CCDC178: variants seen among roughly 807,000 people sequenced by gnomAD.
The protein encoded by CCDC178 is coiled-coil domain-containing protein 178.
CCDC178 carries 126 observed loss-of-function variants against 117.4 expected under a neutral mutation model. The ratio of observed to expected loss-of-function variants is 1.07; its 90% CI spans 0.93 to 1.24. CCDC178 has a LOEUF of 1.24. Ranked by LOEUF, CCDC178 falls within the 50% of genes most tolerant of loss-of-function variation. CCDC178 has a pLI of 0.00. For synonymous variants in CCDC178, 283 were observed against 313.4 expected, an observed-to-expected ratio of 0.90 and a Z score of 1.02; for missense variants, 1,030 against 986.9, an observed-to-expected ratio of 1.04 and a Z score of -0.59.
At chr18:33,144,041 G>A (rs1368203366) in intron 20 of CCDC178, among the ~76,000 whole-genome samples, 2 of 151,964 alleles carry the variant, frequency 1.3e-5, no homozygotes, top group Non-Finnish European at 2.9e-5. Context: ...TCTAATGTGT[G>A]ACAAATCCCA....
intron 5 of CCDC178, among the ~76,000 whole-genome samples, chr18:33,389,218 T>G (rs564542981): frequency 2.0e-4 from 30 of 152,124 alleles, no homozygotes; most frequent in Non-Finnish European, 3.5e-4. Flanking sequence ...TTTCTTTTTC[T>G]TCTAAGAAAC....
intron 21 of CCDC178, among the ~76,000 whole-genome samples, chr18:33,021,868 G>T (rs900827213): frequency 6.6e-6 from 1 of 152,028 alleles, no homozygotes; most frequent in African/African-American, 2.4e-5. Context: ...CTTTAAGGCT[G>T]CTCAACTAGA....
intron 21 of CCDC178, among the ~76,000 whole-genome samples, chr18:33,073,798 T>C (rs1218873660): frequency 6.6e-6 from 1 of 152,058 alleles, no homozygotes; most frequent in Admixed American, 6.6e-5. Flanking sequence ...CAAATAAACA[T>C]AAAATGTCAG....
intron 21 of CCDC178, among the ~76,000 whole-genome samples, chr18:33,031,879 C>T (rs2056350458): frequency 1.3e-5 from 2 of 151,740 alleles, no homozygotes; most frequent in Non-Finnish European, 2.9e-5. Context: ...TTTATTCACA[C>T]AATATATAGA....
chr18:33,109,997 C>T (rs762651494), intron 20 of CCDC178, among the ~76,000 whole-genome samples: 7 of 151,022 alleles, frequency 4.6e-5, no homozygotes, highest in African/African-American at 1.2e-4. Flanking sequence ...TAGTTGATAG[C>T]GCCAACATTT....
intron 21 of CCDC178, among the ~76,000 whole-genome samples, chr18:33,082,124 A>T (rs1326813008): frequency 6.6e-6 from 1 of 152,210 alleles, no homozygotes; most frequent in South Asian, 2.1e-4. Flanking sequence ...GGAACCTCCC[A>T]AAATCAATTA....
chr18:32,954,792 T>C (rs2054559268), intron 22 of CCDC178: 1 of 152,116 alleles, frequency 6.6e-6, no homozygotes, highest in South Asian at 2.1e-4. Flanking sequence ...TTAACAATTT[T>C]TGTTTAATAA....
chr18:33,434,141 T>C (rs2064257842), intron 2 of CCDC178, among the ~76,000 whole-genome samples: 1 of 152,036 alleles, frequency 6.6e-6, no homozygotes, highest in Non-Finnish European at 1.5e-5. Context: ...AATTCTTCAT[T>C]AAGAGAAACA....
At chr18:33,396,871 C>T (rs1313216687) in intron 4 of CCDC178, among the ~76,000 whole-genome samples, 1 of 152,040 alleles carries the variant, frequency 6.6e-6, no homozygotes, top group East Asian at 1.9e-4. Context: ...TCCTCATAAT[C>T]ATTTATGAAA....
chr18:33,340,137 G>A (rs146984819), intron 9 of CCDC178, among the ~76,000 whole-genome samples: 1 of 152,154 alleles, frequency 6.6e-6, no homozygotes, highest in Non-Finnish European at 1.5e-5. Context: ...GGATGAGGTG[G>A]TCTCAGACAG....
At chr18:33,305,919 A>T (rs1453873361) in intron 11 of CCDC178, among the ~76,000 whole-genome samples, 1 of 152,150 alleles carries the variant, frequency 6.6e-6, no homozygotes, top group Non-Finnish European at 1.5e-5. Context: ...CAGGGAGCCA[A>T]GGACACTCAG....
intron 21 of CCDC178, among the ~76,000 whole-genome samples, chr18:33,084,687 C>T (rs1318706131): frequency 1.3e-5 from 2 of 151,574 alleles, no homozygotes; most frequent in Non-Finnish European, 2.9e-5. Flanking sequence ...TGGTGTGCAC[C>T]TGTAATCCCA....
At chr18:33,432,134 G>A (rs2064227962) in intron 2 of CCDC178, among the ~76,000 whole-genome samples, 1 of 152,140 alleles carries the variant, frequency 6.6e-6, no homozygotes, top group South Asian at 2.1e-4. Flanking sequence ...TGAAAAGGCT[G>A]GTACTCTCAA....
intron 12 of CCDC178, among the ~76,000 whole-genome samples, chr18:33,287,752 C>G (rs569264929): frequency 6.6e-5 from 10 of 152,080 alleles, no homozygotes; most frequent in Non-Finnish European, 1.2e-4. Flanking sequence ...GCATTCCAGC[C>G]TGGGCAACAG....
chr18:33,114,142 T>C (rs2057820314), intron 20 of CCDC178, among the ~76,000 whole-genome samples: 1 of 152,060 alleles, frequency 6.6e-6, no homozygotes, highest in Non-Finnish European at 1.5e-5. Context: ...CCCTCATCTT[T>C]GCTACCCAAA....
intron 15 of CCDC178, among the ~76,000 whole-genome samples, chr18:33,236,359 A>C (rs2059426655): frequency 6.6e-6 from 1 of 152,196 alleles, no homozygotes; most frequent in Non-Finnish European, 1.5e-5. Flanking sequence ...GAATTATCTA[A>C]GGAAAATCTA....
At chr18:32,986,721 A>G (rs574711952) in intron 21 of CCDC178, among the ~76,000 whole-genome samples, 1 of 152,198 alleles carries the variant, frequency 6.6e-6, no homozygotes, top group South Asian at 2.1e-4. Flanking sequence ...AGTCAAACAA[A>G]CATTCCCTGT....
At chr18:33,034,117 C>T (rs1023654895) in intron 21 of CCDC178, among the ~76,000 whole-genome samples, 3 of 151,952 alleles carry the variant, frequency 2.0e-5, no homozygotes, top group Admixed American at 6.6e-5. Flanking sequence ...TTGGAGTCAT[C>T]CTAGGCTCCT....
intron 20 of CCDC178, among the ~76,000 whole-genome samples, chr18:33,161,242 A>G (rs1486544576): frequency 1.3e-5 from 2 of 152,158 alleles, no homozygotes; most frequent in African/African-American, 4.8e-5. Context: ...ATGCTTCAGA[A>G]CACTGAAAGC....
Sources: allele counts gnomAD v4.1 joint callset (sites outside exome capture counted in the v4.1 genomes callset), GRCh38; gene constraint gnomAD v4.1.1; transcripts MANE v1.5; gene names NCBI Gene and HGNC (gene_info 2026-07-23, HGNC 2026-07-21).